The following GBF1 variants were observed in gnomAD, a reference collection of about 807,000 sequenced individuals.
GBF1 encodes golgi brefeldin A resistant guanine nucleotide exchange factor 1, also known as Golgi-specific brefeldin A-resistance guanine nucleotide exchange factor 1.
A neutral mutation model predicts 210.5 loss-of-function variants in GBF1; 114 were observed. The ratio of observed to expected loss-of-function variants is 0.54; its 90% confidence interval spans 0.47 to 0.63. The LOEUF (loss-of-function observed/expected upper bound fraction) is 0.63. Among genes scored for constraint, GBF1 ranks in the 30% least tolerant of loss-of-function variants. The pLI is 0.00. For missense variants in GBF1, 1,851 were observed against 2,357.7 expected, an observed-to-expected ratio of 0.79 and a Z score of 4.45; for synonymous variants, 850 against 889.2, an observed-to-expected ratio of 0.96 and a Z score of 0.78.
intron 4 of GBF1, among the ~76,000 whole-genome samples, chr10:102,348,548 C>T (rs2134700789): frequency 6.6e-6 from 1 of 152,268 alleles, no homozygotes; most frequent in South Asian, 2.1e-4. Context: ...GCCCTGGTGG[C>T]CTGGGTAGGG....
intron 3 of GBF1, among the ~76,000 whole-genome samples, chr10:102,301,350 G>A (rs2077329079): frequency 6.6e-6 from 1 of 152,212 alleles, no homozygotes; most frequent in Admixed American, 6.5e-5. Context: ...TCTTAGTACA[G>A]AACAAAGTGG....
chr10:102,292,224 T>C (rs2133677995), intron 3 of GBF1, among the ~76,000 whole-genome samples: 1 of 152,148 alleles, frequency 6.6e-6, no homozygotes. Context: ...TTTCTAGTAT[T>C]CTCTTTGGCC....
At chr10:102,260,225 T>C in intron 3 of GBF1, 109 bp downstream of exon 3, 1 of 620,454 alleles carries the variant, frequency 1.6e-6, no homozygotes, top group Non-Finnish European at 2.9e-6. Context: ...GTAAATAATT[T>C]AGGCTTTGTG....
chr10:102,359,858 G>T (rs2059497623), intron 11 of GBF1, among the ~76,000 whole-genome samples: 1 of 151,138 alleles, frequency 6.6e-6, no homozygotes, highest in Admixed American at 6.6e-5. Flanking sequence ...CGACTTCCTG[G>T]GTTCAAGCAA....
intron 33 of GBF1, among the ~76,000 whole-genome samples, chr10:102,377,830 G>T (rs1159958839): frequency 1.3e-5 from 2 of 152,116 alleles, no homozygotes; most frequent in Non-Finnish European, 2.9e-5. Context: ...GTTACCCTGT[G>T]TCTATTCAAA....
chr10:102,306,548 C>G (rs907728666), intron 3 of GBF1, among the ~76,000 whole-genome samples: 3 of 152,174 alleles, frequency 2.0e-5, no homozygotes, highest in Non-Finnish European at 4.4e-5. Flanking sequence ...CTCAGCCTCC[C>G]GAGTAGCTGG....
chr10:102,370,272 A>G, intron 27 of GBF1, 27 bp downstream of exon 27: 2 of 1,548,884 alleles, frequency 1.3e-6, no homozygotes, highest in Non-Finnish European at 1.8e-6. Context: ...GGAAACATGG[A>G]ACAACTGGCT....
At chr10:102,303,645 C>T (rs1466818708) in intron 3 of GBF1, among the ~76,000 whole-genome samples, 1 of 152,178 alleles carries the variant, frequency 6.6e-6, no homozygotes, top group Non-Finnish European at 1.5e-5. Context: ...ATTCAGGCAG[C>T]TCACACCACG....
intron 3 of GBF1, among the ~76,000 whole-genome samples, chr10:102,275,440 A>C: frequency 6.6e-6 from 1 of 152,186 alleles, no homozygotes. Context: ...TTGAGACCTC[A>C]GAGAGACCGT....
intron 3 of GBF1, among the ~76,000 whole-genome samples, chr10:102,322,918 G>C (rs1026068389): frequency 7.3e-5 from 11 of 151,698 alleles, no homozygotes; most frequent in Non-Finnish European, 1.6e-4. Context: ...CTGTCTCAAA[G>C]TAATAATAAT....
At chr10:102,288,608 G>A (rs1261637404) in intron 3 of GBF1, among the ~76,000 whole-genome samples, 5 of 151,912 alleles carry the variant, frequency 3.3e-5, no homozygotes, top group Admixed American at 6.6e-5. Context: ...CTACTCGAGA[G>A]GCTGAGGCAG....
Position 102,377,090 on chromosome 10 carries a change from G to A in GBF1, c.4444G>A (p.Glu1482Lys), listed in dbSNP as rs746468697. The change falls in exon 33 of 40, where the codon GAA becomes AAA. Residue 1482 changes from glutamate to lysine, a missense_variant. This residue lies in a region of GBF1 where 967 missense variants were observed against 1,247.7 expected (regional missense o/e 0.78). Coordinates refer to ENST00000369983, the MANE Select transcript of GBF1 (RefSeq NM_001377137.1). Reference protein sequence around the residue: ...RGGQSDDDEDEGVPASYHTVS... With the variant: ...RGGQSDDDEDKGVPASYHTVS... Reference sequence around the variant, plus strand: ...CGGGCAGAGTGATGATGATGAGGACGAAGGCGTGCCTGCCAGCTACCATAC... The same window carrying A: ...CGGGCAGAGTGATGATGATGAGGACAAAGGCGTGCCTGCCAGCTACCATAC... 3 of 1,614,058 alleles carry A rather than the reference G, an allele frequency of 1.9e-6. No homozygotes were observed. The highest frequency in any genetic ancestry group is 1.3e-5 in the African/African-American group (1 of 74,916).
At chr10:102,359,639 T>A (rs765028106) in intron 11 of GBF1, among the ~76,000 whole-genome samples, 1 of 152,012 alleles carries the variant, frequency 6.6e-6, no homozygotes, top group African/African-American at 2.4e-5. Flanking sequence ...AGGGAGGAAG[T>A]TTGATGGGCA....
At chr10:102,231,383 G>A in the GBF1 span, among the ~76,000 whole-genome samples, 1 of 152,178 alleles carries the variant, frequency 6.6e-6, no homozygotes, top group Non-Finnish European at 1.5e-5. Flanking sequence ...GGCCGAAGAA[G>A]CGCGCGGTCC....
intron 3 of GBF1, among the ~76,000 whole-genome samples, chr10:102,293,224 T>TA (rs1265284955): frequency 6.6e-6 from 1 of 151,926 alleles, no homozygotes; most frequent in African/African-American, 2.4e-5. Context: ...ATAATGGAGG[T>TA]AAAAAAATTC....
intron 3 of GBF1, among the ~76,000 whole-genome samples, chr10:102,299,475 T>C (rs928035848): frequency 1.1e-4 from 17 of 152,158 alleles, no homozygotes; most frequent in Non-Finnish European, 1.5e-5. Context: ...TATACATTAA[T>C]TTGTTAAAAA....
intron 3 of GBF1, among the ~76,000 whole-genome samples, chr10:102,325,993 A>G (rs901973919): frequency 1.3e-5 from 2 of 152,202 alleles, no homozygotes; most frequent in Non-Finnish European, 2.9e-5. Flanking sequence ...TAGAACTGAA[A>G]TGAAGTATAG....
chr10:102,357,892 A>T (rs1475833691), intron 8 of GBF1, 147 bp from the exon 9 acceptor site: 2 of 653,590 alleles, frequency 3.1e-6, no homozygotes, highest in East Asian at 5.1e-5. Flanking sequence ...AAGAGTAGGA[A>T]TGTGAACTGA....
chr10:102,234,562 G>A, the GBF1 span, among the ~76,000 whole-genome samples: 7 of 152,190 alleles, frequency 4.6e-5, no homozygotes, highest in African/African-American at 1.7e-4. Flanking sequence ...AACTATGGTA[G>A]CCTTGGCTGG....
Sources: gnomAD v4.1 joint callset for allele counts (sites outside exome capture counted in the v4.1 genomes callset) on GRCh38, gnomAD v4.1.1 for gene constraint, gnomAD v4.1.1 regional missense constraint, MANE v1.5 for transcripts, NCBI Gene and HGNC (gene_info 2026-07-23, HGNC 2026-07-21) for gene names.